Variants in RPTOR observed in about 807,000 individuals in gnomAD.
The protein encoded by RPTOR is regulatory associated protein of MTOR complex 1, also known as regulatory-associated protein of mTOR.
Under a neutral mutation model 169.9 loss-of-function variants are expected in RPTOR, and 21 were observed. That is an observed-to-expected ratio of 0.12 (90% CI 0.09 to 0.18). The LOEUF (loss-of-function observed/expected upper bound fraction) is 0.18, where lower values mean the gene tolerates loss of function less well. Ranked by LOEUF, RPTOR falls within the 10% of genes least tolerant of loss-of-function variation. The pLI is 1.00. For missense variants in RPTOR, 1,133 were observed against 1,855.9 expected (o/e 0.61, Z 7.16); for synonymous variants, 732 against 753.2 (o/e 0.97, Z 0.46).
In RPTOR at chr17:80,730,634, C is replaced by T. The variant is rs750371655; in HGVS notation, c.582C>T (p.Tyr194=). The change falls in exon 5 of 34, where the codon TAC becomes TAT. Residue 194 remains tyrosine (Y), a synonymous_variant. Coordinates refer to ENST00000306801, the MANE Select transcript of RPTOR (RefSeq NM_020761.3). This position sits in a 1 kb window ranked among gnomAD's most constrained non-coding sequence, Gnocchi z 4.2. Reference sequence around the variant, plus strand: ...TGGGCAGCCCGTCGATCTTCGTCTACGACTGCTCCAATGCTGGCTTGATCG... The same window carrying T: ...TGGGCAGCCCGTCGATCTTCGTCTATGACTGCTCCAATGCTGGCTTGATCG... ...TWMGSPSIFV[Y]DCSNAGLIVK... is the part of the protein sequence containing the mutation. 2.9e-5 allele frequency: 47 copies of T among 1,613,940 alleles called. No individual in the cohort carries two copies. Among genetic ancestry groups the T allele is most frequent in the Middle Eastern group, 1.7e-4 (1 of 6,034 alleles).
intron 6 of RPTOR, among the ~76,000 whole-genome samples, chr17:80,763,755 G>A (rs2066758142): frequency 6.6e-6 from 1 of 152,196 alleles, no homozygotes; most frequent in South Asian, 2.1e-4. Context: ...TGTGAACTCC[G>A]TGGCAGACCA....
chr17:80,706,556 G>C (rs138412586), intron 3 of RPTOR, among the ~76,000 whole-genome samples: 1 of 152,330 alleles, frequency 6.6e-6, no homozygotes, highest in East Asian at 1.9e-4. Flanking sequence ...CAAGTCATGT[G>C]TACTTGGGTC....
At chr17:80,920,541 A>AAGAGTGGGCAGAGC (rs373062105) in intron 21 of RPTOR, among the ~76,000 whole-genome samples, 187 of 152,346 alleles carry the variant, frequency 1.2e-3, no homozygotes, top group African/African-American at 4.2e-3. Context: ...CCCTGCCTGG[A>AAGAGTGGGCAGAGC]AGAGTGGGCA....
chr17:80,823,352 A>ATT lies in RPTOR; in HGVS notation c.1136+129_1136+130insTT. ...TTGGGGACCCCGTGTAGCATTAACA[A>ATT]GTGAAGCTAAATGCAGGGCTCCCAG... On this transcript the variant is annotated intron_variant, in intron 9 of 33. Coordinates refer to ENST00000306801, the MANE Select transcript of RPTOR (RefSeq NM_020761.3). The surrounding 1 kb of genome is among the most constrained non-coding windows in gnomAD (Gnocchi z 4.5). The ATT allele has an allele frequency of 2.3e-5, 28 of 1,194,656 alleles. No homozygotes were observed. The highest frequency in any genetic ancestry group is 1.0e-4 in the South Asian group (7 of 66,814). The allele number at this position is 1,194,656 out of a possible 1,614,324, so 74.0% of individuals were successfully genotyped here.
chr17:80,954,708 A>G (rs768916711), intron 28 of RPTOR, among the ~76,000 whole-genome samples: 24 of 152,240 alleles, frequency 1.6e-4, no homozygotes, highest in Non-Finnish European at 2.8e-4. Flanking sequence ...CCTGAGGTCA[A>G]TAGTTCAAGA....
intron 21 of RPTOR, among the ~76,000 whole-genome samples, chr17:80,917,151 C>T (rs1454379174): frequency 1.4e-5 from 2 of 146,658 alleles, no homozygotes; most frequent in African/African-American, 2.5e-5. Context: ...CTCACTATGT[C>T]GCCCAGGCTG....
chr17:80,863,159 C>T (rs1250922726), intron 13 of RPTOR, among the ~76,000 whole-genome samples: 1 of 152,168 alleles, frequency 6.6e-6, no homozygotes, highest in Non-Finnish European at 1.5e-5. Context: ...GTGCCGTTTA[C>T]ATGAGACAGA....
At chr17:80,613,211 T>C (rs2065284034) in intron 1 of RPTOR, among the ~76,000 whole-genome samples, 1 of 152,208 alleles carries the variant, frequency 6.6e-6, no homozygotes, top group South Asian at 2.1e-4. Context: ...CTTGTTTGCC[T>C]GTGAATTCTC....
intron 2 of RPTOR, among the ~76,000 whole-genome samples, chr17:80,634,523 A>G (rs1438691366): frequency 8.6e-6 from 1 of 116,816 alleles, no homozygotes; most frequent in Non-Finnish European, 1.7e-5. Flanking sequence ...GTGTGTGCGT[A>G]CTGTGTGCAT....
rs527734900 is a variant in RPTOR, at chr17:80,592,683, A to C, written c.163-33008A>C. ...ATTTATTTGGGTAAAGAGGGCCTAG[A>C]AACATTTAAGTATTCCCGTGATGCT... is the stretch of plus-strand genomic sequence containing the variant. On this transcript the variant is annotated intron_variant, in intron 1 of 33. Coordinates refer to ENST00000306801, the MANE Select transcript of RPTOR (RefSeq NM_020761.3). Among the ~76,000 whole-genome samples the C allele has an allele frequency of 8.5e-5, 13 of 152,336 alleles. No homozygotes were observed. The East Asian group carries it at 2.5e-3, about 29-fold the overall frequency.
In RPTOR at chr17:80,860,023, T is replaced by C. The variant is rs1259374585; in HGVS notation, c.1509+2123T>C. 6.6e-6 allele frequency among the ~76,000 whole-genome samples: 1 copy of C among 152,086 alleles called. No homozygotes were observed. The highest frequency in any genetic ancestry group is 6.5e-5 in the Admixed American group (1 of 15,278). On this transcript the variant is annotated intron_variant, in intron 13 of 33. Transcript: ENST00000306801. This position sits in a 1 kb window ranked among gnomAD's most constrained non-coding sequence, Gnocchi z 5.8. ...AGTACAGGAGAGTGCCAAGAACACC[T>C]TGGAGAGGCCATGGCTTGGAGCCGG... is the stretch of plus-strand genomic sequence containing the variant.
chr17:80,615,015 G>A lies in RPTOR; in HGVS notation c.163-10676G>A, dbSNP rs116238342. Among the ~76,000 whole-genome samples, 493 of 152,274 alleles carry A rather than the reference G, an allele frequency of 3.2e-3. 3 individuals are homozygous for A. The highest frequency in any genetic ancestry group is 0.011 in the African/African-American group (471 of 41,552). ...ATAGTTGGGTCATGGGGAGAGTTCTGACGTTATTTTACTAAGGTGAGGTTT... is the reference window on the plus strand; with the variant it reads ...ATAGTTGGGTCATGGGGAGAGTTCTAACGTTATTTTACTAAGGTGAGGTTT... On this transcript the variant is annotated intron_variant, in intron 1 of 33. Transcript: ENST00000306801.
chr17:80,846,198 C>T (rs553161292), intron 10 of RPTOR, among the ~76,000 whole-genome samples: 84 of 152,400 alleles, frequency 5.5e-4, no homozygotes, highest in Admixed American at 8.5e-4. Flanking sequence ...CAGCACGCTC[C>T]TCTTGCGGCC....
chr17:80,786,034 C>T (rs887149448), intron 6 of RPTOR, among the ~76,000 whole-genome samples: 3 of 152,018 alleles, frequency 2.0e-5, no homozygotes, highest in Non-Finnish European at 4.4e-5. Context: ...GGTGGTGTCC[C>T]GGAACCAGTC....
intron 21 of RPTOR, among the ~76,000 whole-genome samples, chr17:80,919,870 C>T (rs986393387): frequency 5.3e-5 from 8 of 152,244 alleles, no homozygotes; most frequent in Non-Finnish European, 8.8e-5. Flanking sequence ...CCCTAGAGGG[C>T]ATGTTTGCAC....
chr17:80,833,108 G>C (rs1415232469), intron 9 of RPTOR, among the ~76,000 whole-genome samples: 1 of 31,152 alleles, frequency 3.2e-5, no homozygotes, highest in Non-Finnish European at 5.9e-5. Flanking sequence ...TCCGTTCCCG[G>C]GGCGGGCGCG....
intron 24 of RPTOR, among the ~76,000 whole-genome samples, chr17:80,938,966 G>A (rs574758004): frequency 6.6e-6 from 1 of 152,178 alleles, no homozygotes; most frequent in Non-Finnish European, 1.5e-5. Flanking sequence ...CCACATTTAC[G>A]TGCAAGGACG....
Position 80,704,478 on chromosome 17 carries a change from T to A in RPTOR, c.349-3363T>A, listed in dbSNP as rs912632301. Among the ~76,000 whole-genome samples the A allele has an allele frequency of 2.6e-5, 4 of 152,278 alleles. No homozygotes were observed. The East Asian group carries it at 7.7e-4, about 29-fold the overall frequency. On this transcript the variant is annotated intron_variant, in intron 3 of 33. Transcript: ENST00000306801. The stretch of plus-strand genomic sequence containing the variant: ...TTCGTAAGTCTTAGTATGCAGAGAA[T>A]CTCAGATAGCAAAGCAGAAAGGATG...
intron 4 of RPTOR, among the ~76,000 whole-genome samples, chr17:80,716,416 AT>A (rs925091536): frequency 6.7e-6 from 1 of 150,114 alleles, no homozygotes; most frequent in Non-Finnish European, 1.5e-5. Context: ...TTTTGATGGG[AT>A]TTTTTTTTCT....
Sources: gnomAD v4.1 joint callset for allele counts (sites outside exome capture counted in the v4.1 genomes callset) on GRCh38, gnomAD v4.1.1 for gene constraint, Gnocchi (gnomAD v3.1) non-coding constraint, MANE v1.5 for transcripts, NCBI Gene and HGNC (gene_info 2026-07-23, HGNC 2026-07-21) for gene names.